The following ZNF423 variants were observed in gnomAD, a reference collection of about 807,000 sequenced individuals.
ZNF423 encodes zinc finger protein 423, also known as Ebf-associated zinc finger protein.
ZNF423 carries 12 observed loss-of-function variants against 95.8 expected under a neutral mutation model. That is an observed-to-expected ratio of 0.13 (90% CI 0.08 to 0.20). The LOEUF is 0.20. Ranked by LOEUF, ZNF423 falls within the 10% of genes least tolerant of loss-of-function variation. The pLI is 1.00. For missense variants in ZNF423, 1,316 were observed against 1,737.1 expected (o/e 0.76, Z 4.31); for synonymous variants, 749 against 711.9 (o/e 1.05, Z -0.83).
At position 49,488,236 on chromosome 16, in the gene ZNF423, A is replaced by G. The variant is rs567493207; in HGVS notation, c.*3039T>C. ...AAAGTTCAATATTACACAACTGTGA[A>G]TTTAAAAGGAGCGTTCTTTAAGGCT... On this transcript the variant is annotated 3_prime_UTR_variant, in exon 8 of 8. Transcript: ENST00000563137. 7 of 152,240 alleles carry G rather than the reference A, an allele frequency of 4.6e-5. No homozygotes were observed. Among genetic ancestry groups the G allele is most frequent in the Non-Finnish European group, 8.8e-5 (6 of 68,050 alleles). The allele number at this position is 152,240 out of a possible 1,614,324, so 9.4% of individuals were successfully genotyped here. A position where few individuals can be genotyped will look rare whatever the true frequency, so the allele number is the denominator to read the frequency against.
chr16:49,668,591 G>T (rs1012074090), intron 3 of ZNF423, among the ~76,000 whole-genome samples: 2 of 152,188 alleles, frequency 1.3e-5, no homozygotes, highest in African/African-American at 4.8e-5. Flanking sequence ...CTGACCCCTG[G>T]TATGCCTGGA....
At chr16:49,624,527 T>TG (rs953305729) in intron 5 of ZNF423, among the ~76,000 whole-genome samples, 15 of 152,178 alleles carry the variant, frequency 9.9e-5, no homozygotes, top group African/African-American at 3.6e-4. Flanking sequence ...CACTCCAGCC[T>TG]GGGTGACAGA....
chr16:49,706,840 C>A (rs990159320), intron 3 of ZNF423, among the ~76,000 whole-genome samples: 1 of 152,182 alleles, frequency 6.6e-6, no homozygotes, highest in Non-Finnish European at 1.5e-5. Context: ...TGGCTCCGGG[C>A]ACCAACAACA....
chr16:49,799,808 A>G (rs1027238213), intron 1 of ZNF423, among the ~76,000 whole-genome samples: 3 of 152,138 alleles, frequency 2.0e-5, no homozygotes, highest in Non-Finnish European at 4.4e-5. Flanking sequence ...TTTATTTTTT[A>G]AGACAGGTTC....
At chr16:49,627,495 T>C (rs1414298887) in intron 4 of ZNF423, among the ~76,000 whole-genome samples, 2 of 136,394 alleles carry the variant, frequency 1.5e-5, no homozygotes, top group Admixed American at 1.5e-4. Context: ...CATCTGTCTA[T>C]ATACATACCC....
At chr16:49,746,598 A>C (rs2033529299) in intron 2 of ZNF423, among the ~76,000 whole-genome samples, 2 of 152,120 alleles carry the variant, frequency 1.3e-5, no homozygotes, top group African/African-American at 4.8e-5. Flanking sequence ...CCGCCTCAGC[A>C]TCCTGAGTTG....
intron 3 of ZNF423, among the ~76,000 whole-genome samples, chr16:49,669,406 G>T (rs1468547431): frequency 6.6e-6 from 1 of 152,094 alleles, no homozygotes; most frequent in Non-Finnish European, 1.5e-5. Flanking sequence ...CGACCCTAGA[G>T]GCCCAGGCCA....
At chr16:49,519,938 C>A (rs1337799117) in intron 7 of ZNF423, among the ~76,000 whole-genome samples, 1 of 152,188 alleles carries the variant, frequency 6.6e-6, no homozygotes, top group African/African-American at 2.4e-5. Context: ...TCACGGCTCT[C>A]TTCCACACAA....
At chr16:49,515,910 G>A (rs554247290) in intron 7 of ZNF423, among the ~76,000 whole-genome samples, 1 of 152,284 alleles carries the variant, frequency 6.6e-6, no homozygotes, top group East Asian at 1.9e-4. Context: ...TCCCCTCAGG[G>A]TGGCTAACCG....
At chr16:49,549,755 A>C (rs990305988) in intron 5 of ZNF423, among the ~76,000 whole-genome samples, 11 of 152,228 alleles carry the variant, frequency 7.2e-5, no homozygotes, top group African/African-American at 2.2e-4. Context: ...AGTCACAGAG[A>C]GATTATGTAA....
At chr16:49,718,638 G>T (rs1362762274) in intron 3 of ZNF423, among the ~76,000 whole-genome samples, 2 of 152,248 alleles carry the variant, frequency 1.3e-5, no homozygotes, top group Non-Finnish European at 2.9e-5. Flanking sequence ...AATGTTTATT[G>T]CTCACAGTTC....
chr16:49,768,739 C>A (rs1397029601), intron 2 of ZNF423, among the ~76,000 whole-genome samples: 3 of 151,020 alleles, frequency 2.0e-5, no homozygotes, highest in Non-Finnish European at 4.4e-5. Context: ...CTATGCTCAC[C>A]CCCCAGTGGG....
At chr16:49,758,878 C>T (rs2033775475) in intron 2 of ZNF423, among the ~76,000 whole-genome samples, 2 of 152,132 alleles carry the variant, frequency 1.3e-5, no homozygotes, top group South Asian at 4.1e-4. Context: ...GGTGTGATCA[C>T]CATAAAAGTC....
chr16:49,676,119 T>C (rs1423726510), intron 3 of ZNF423, among the ~76,000 whole-genome samples: 2 of 152,146 alleles, frequency 1.3e-5, no homozygotes, highest in African/African-American at 4.8e-5. Context: ...AATGAATAAA[T>C]AAATGAATCC....
intron 1 of ZNF423, among the ~76,000 whole-genome samples, chr16:49,842,390 AAGGAAGGAAGGAAGGAAGGAAGGCAGGC>A (rs1478278441): frequency 1.8e-5 from 2 of 111,312 alleles, no homozygotes; most frequent in African/African-American, 7.1e-5. Flanking sequence ...GGAAGGAAGG[AAGGAAGGAAGGAAGGAAGGAAGGCAGGC>A]AGGCAGGCAG....
intron 2 of ZNF423, among the ~76,000 whole-genome samples, chr16:49,736,872 C>T (rs562421214): frequency 6.6e-6 from 1 of 152,292 alleles, no homozygotes; most frequent in South Asian, 2.1e-4. Context: ...AAGATGATGA[C>T]GTTGAGAGCA....
intron 2 of ZNF423, among the ~76,000 whole-genome samples, chr16:49,766,594 G>A (rs879707169): frequency 6.6e-6 from 1 of 152,216 alleles, no homozygotes; most frequent in African/African-American, 2.4e-5. Flanking sequence ...TTCAGATCCC[G>A]GGAGGCCCAG....
intron 5 of ZNF423, among the ~76,000 whole-genome samples, chr16:49,593,220 G>A (rs372493183): frequency 1.3e-5 from 2 of 152,096 alleles, no homozygotes; most frequent in East Asian, 3.9e-4. Flanking sequence ...ATCACAAGAA[G>A]CCAAGAGTTC....
chr16:49,545,487 G>T (rs962483215), intron 5 of ZNF423, among the ~76,000 whole-genome samples: 1 of 152,118 alleles, frequency 6.6e-6, no homozygotes. Flanking sequence ...GAGCCTGTGA[G>T]CTACACAGGT....
Sources: gnomAD v4.1 joint callset for allele counts (sites outside exome capture counted in the v4.1 genomes callset) on GRCh38, gnomAD v4.1.1 for gene constraint, MANE v1.5 for transcripts, NCBI Gene and HGNC (gene_info 2026-07-23, HGNC 2026-07-21) for gene names.